The following AKAP13 variants were observed in gnomAD, a reference collection of about 807,000 sequenced individuals.
AKAP13 encodes the protein A-kinase anchoring protein 13, also known as A-kinase anchor protein 13.
Under a neutral mutation model 264.5 loss-of-function variants are expected in AKAP13, and 80 were observed. The observed-to-expected ratio is 0.30, with a 90% CI of 0.25 to 0.36. The LOEUF is 0.36. Among genes scored for constraint, AKAP13 ranks in the 10% least tolerant of loss-of-function variants. The pLI is 1.00. For missense variants in AKAP13, 3,712 were observed against 3,435.2 expected, an observed-to-expected ratio of 1.08 and a Z score of -2.01; for synonymous variants, 1,380 against 1,250.2, an observed-to-expected ratio of 1.10 and a Z score of -2.19.
At chr15:85,561,453 C>G (rs2078375666) in intron 5 of AKAP13, among the ~76,000 whole-genome samples, 1 of 152,182 alleles carries the variant, frequency 6.6e-6, no homozygotes, top group African/African-American at 2.4e-5. Flanking sequence ...AACATTGCAT[C>G]TGAAAATTGA....
intron 29 of AKAP13, among the ~76,000 whole-genome samples, chr15:85,728,181 C>G (rs2087734998): frequency 6.6e-6 from 1 of 152,322 alleles, no homozygotes; most frequent in South Asian, 2.1e-4. Flanking sequence ...CCTGTCTTAG[C>G]AAAGCCTGTT....
In AKAP13 at chr15:85,729,478, C is replaced by T. The variant is rs558506670; in HGVS notation, c.7088-1035C>T. Among the ~76,000 whole-genome samples, 13 of 152,220 alleles carry T rather than the reference C, an allele frequency of 8.5e-5. No individual in the cohort carries two copies. The South Asian group carries it at 1.5e-3, about 17-fold the overall frequency. On this transcript the variant is annotated intron_variant, in intron 29 of 36. Coordinates refer to ENST00000394518, the MANE Select transcript of AKAP13 (RefSeq NM_007200.5). ...GGCTGGAGAAAAGATTGGTTTCTCA[C>T]GTGCTGAGAACAAGGCATCTCAGTA...
intron 14 of AKAP13, among the ~76,000 whole-genome samples, chr15:85,670,222 G>T (rs1033137105): frequency 6.6e-6 from 1 of 151,788 alleles, no homozygotes; most frequent in Non-Finnish European, 1.5e-5. Flanking sequence ...TACTTGTTTC[G>T]CCAGCCTCTC....
At chr15:85,489,493 G>A (rs536469574) in intron 2 of AKAP13, among the ~76,000 whole-genome samples, 15 of 152,316 alleles carry the variant, frequency 9.8e-5, no homozygotes, top group African/African-American at 3.6e-4. Context: ...GTGAGGAAAA[G>A]TAGCTGTTTT....
chr15:85,682,361 T>A, intron 15 of AKAP13, 149 bp downstream of exon 15: 1 of 791,576 alleles, frequency 1.3e-6, no homozygotes. Context: ...AAAGTGGTTT[T>A]GTCATGAAGG....
chr15:85,743,969 G>T (rs530905800), intron 36 of AKAP13, 144 bp downstream of exon 36: 1 of 947,802 alleles, frequency 1.1e-6, no homozygotes. Context: ...CACCAGCTCC[G>T]CTTGCTAAGA....
intron 5 of AKAP13, among the ~76,000 whole-genome samples, chr15:85,551,458 A>G (rs988472220): frequency 8.5e-5 from 13 of 152,214 alleles, no homozygotes; most frequent in Non-Finnish European, 1.9e-4. Context: ...TGATGGAGGA[A>G]TAATTTGAAC....
intron 15 of AKAP13, among the ~76,000 whole-genome samples, chr15:85,683,220 C>T (rs993140001): frequency 1.3e-5 from 2 of 152,092 alleles, no homozygotes; most frequent in African/African-American, 4.8e-5. Flanking sequence ...CATACCATTT[C>T]CCCCTTATCT....
At chr15:85,436,842 C>G (rs1272743946) in intron 1 of AKAP13, among the ~76,000 whole-genome samples, 2 of 151,770 alleles carry the variant, frequency 1.3e-5, no homozygotes. Context: ...ATTTATAGCA[C>G]TAAATGCCCA....
intron 1 of AKAP13, among the ~76,000 whole-genome samples, chr15:85,468,661 A>G (rs1025374841): frequency 4.8e-4 from 73 of 152,328 alleles, no homozygotes; most frequent in African/African-American, 1.7e-3. Context: ...GATTTGTAGA[A>G]TTTTGTATGA....
At chr15:85,503,437 CCTT>C (rs1297753496) in intron 2 of AKAP13, among the ~76,000 whole-genome samples, 1 of 152,172 alleles carries the variant, frequency 6.6e-6, no homozygotes, top group Non-Finnish European at 1.5e-5. Flanking sequence ...TGGTACCTTC[CCTT>C]CTTAATCTTG....
chr15:85,458,450 T>C (rs2074375615), intron 1 of AKAP13, among the ~76,000 whole-genome samples: 2 of 149,966 alleles, frequency 1.3e-5, no homozygotes, highest in African/African-American at 4.9e-5. Context: ...ATTTTAGTTA[T>C]CACTTTACAT....
intron 1 of AKAP13, among the ~76,000 whole-genome samples, chr15:85,464,723 C>A (rs116513707): frequency 1.6e-3 from 245 of 152,290 alleles, no homozygotes; most frequent in African/African-American, 5.4e-3. Context: ...CTCAGGCAGT[C>A]TGATACCAGA....
intron 23 of AKAP13, 36 bp downstream of exon 23, chr15:85,719,362 C>T: frequency 1.2e-6 from 2 of 1,605,814 alleles, no homozygotes; most frequent in African/African-American, 1.3e-5. Context: ...CTTACATACA[C>T]TGGGAAAAAG....
intron 8 of AKAP13, among the ~76,000 whole-genome samples, chr15:85,594,512 G>A (rs1474417433): frequency 6.6e-6 from 1 of 152,174 alleles, no homozygotes; most frequent in Non-Finnish European, 1.5e-5. Flanking sequence ...GAAGATATAT[G>A]CATTATGTAT....
At chr15:85,426,347 G>A (rs1200169986) in intron 1 of AKAP13, among the ~76,000 whole-genome samples, 2 of 152,208 alleles carry the variant, frequency 1.3e-5, no homozygotes, top group African/African-American at 4.8e-5. Flanking sequence ...TTGTGCGAGT[G>A]AGCCTTTACT....
chr15:85,513,559 G>T (rs1223808135), intron 2 of AKAP13, among the ~76,000 whole-genome samples: 1 of 152,108 alleles, frequency 6.6e-6, no homozygotes, highest in East Asian at 1.9e-4. Context: ...TTTCACTCTA[G>T]CGATTTACCT....
At chr15:85,496,186 C>A (rs2075867732) in intron 2 of AKAP13, among the ~76,000 whole-genome samples, 1 of 152,092 alleles carries the variant, frequency 6.6e-6, no homozygotes, top group Admixed American at 6.6e-5. Context: ...ACAAAGCACC[C>A]CCACCTCCTT....
At chr15:85,680,266 C>T (rs2084512783) in intron 14 of AKAP13, among the ~76,000 whole-genome samples, 1 of 151,946 alleles carries the variant, frequency 6.6e-6, no homozygotes, top group Non-Finnish European at 1.5e-5. Context: ...TTTCCTTGGG[C>T]AGAAAAGGTT....
Sources: allele counts gnomAD v4.1 joint callset (sites outside exome capture counted in the v4.1 genomes callset), GRCh38; gene constraint gnomAD v4.1.1; transcripts MANE v1.5; gene names NCBI Gene and HGNC (gene_info 2026-07-23, HGNC 2026-07-21).